Variants in CHODL observed in about 807,000 individuals in gnomAD.
CHODL encodes the protein transmembrane protein MT75.
A neutral mutation model predicts 34.5 loss-of-function variants in CHODL; 29 were observed. The observed-to-expected ratio is 0.84, with a 90% CI of 0.63 to 1.15. The LOEUF is 1.15. Among genes scored for constraint, CHODL ranks in the 50% most tolerant of loss-of-function variants. The pLI, the probability that CHODL is intolerant of heterozygous loss-of-function variation, is 0.00. For missense variants in CHODL, 332 were observed against 332.5 expected (o/e 1.00, Z 0.01); for synonymous variants, 125 against 116.1 (o/e 1.08, Z -0.49).
intron 1 of CHODL, among the ~76,000 whole-genome samples, chr21:17,923,293 A>G (rs59036066): frequency 0.02 from 3,084 of 151,586 alleles, 102 homozygotes; most frequent in African/African-American, 0.07. Flanking sequence ...TTTTCCTGCC[A>G]AAGTCTGCAT....
chr21:17,951,106 A>AAGTGTG (rs2063453253), intron 1 of CHODL, among the ~76,000 whole-genome samples: 2 of 79,138 alleles, frequency 2.5e-5, no homozygotes, highest in Non-Finnish European at 4.6e-5. Flanking sequence ...ATTACTCTAT[A>AAGTGTG]CGTGTGTGTG....
chr21:18,156,431 C>T (rs1004754384), intron 2 of CHODL, among the ~76,000 whole-genome samples: 7 of 151,918 alleles, frequency 4.6e-5, no homozygotes, highest in Admixed American at 3.9e-4. Context: ...TATATACACA[C>T]ATATATAGTT....
chr21:18,105,660 G>T (rs1049726520), intron 2 of CHODL, among the ~76,000 whole-genome samples: 2 of 152,130 alleles, frequency 1.3e-5, no homozygotes, highest in Admixed American at 6.6e-5. Context: ...ACATTGAATG[G>T]CCATAGCTAG....
chr21:18,173,509 A>C (rs1328767581), intron 2 of CHODL, among the ~76,000 whole-genome samples: 1 of 152,228 alleles, frequency 6.6e-6, no homozygotes, highest in African/African-American at 2.4e-5. Flanking sequence ...CATACTGACT[A>C]TATTCCAAAT....
chr21:18,026,382 C>A (rs1359845276), intron 1 of CHODL, among the ~76,000 whole-genome samples: 52 of 151,832 alleles, frequency 3.4e-4, no homozygotes, highest in Admixed American at 3.3e-3. Context: ...TTAATAATTT[C>A]AAAATGAAGA....
chr21:18,266,048 G>A lies in CHODL; in HGVS notation c.*10G>A. ...TGGCATGGAAGTATAATAACTCATT[G>A]ACTTGGTTCCAGAATTTTGTAATTC... On this transcript the variant is annotated 3_prime_UTR_variant, in exon 6 of 6. Coordinates refer to ENST00000299295, the MANE Select transcript of CHODL (RefSeq NM_024944.3). 6.2e-7 allele frequency: 1 copy of A among 1,613,724 alleles called. No individual in the cohort carries two copies. Among genetic ancestry groups the A allele is most frequent in the Non-Finnish European group, 8.5e-7 (1 of 1,179,790 alleles).
intron 2 of CHODL, among the ~76,000 whole-genome samples, chr21:18,140,967 T>C (rs1228080523): frequency 6.6e-6 from 1 of 152,032 alleles, no homozygotes; most frequent in African/African-American, 2.4e-5. Context: ...ATGTTAGATA[T>C]CTACATTCAG....
At chr21:18,061,314 A>G (rs552460261) in intron 2 of CHODL, among the ~76,000 whole-genome samples, 3 of 152,210 alleles carry the variant, frequency 2.0e-5, no homozygotes, top group Admixed American at 6.5e-5. Flanking sequence ...AAGTCCTTCA[A>G]TGGAAACTGA....
intron 2 of CHODL, among the ~76,000 whole-genome samples, chr21:18,164,621 TG>T (rs1258974243): frequency 2.6e-5 from 4 of 152,216 alleles, no homozygotes; most frequent in African/African-American, 9.6e-5. Context: ...ATAAGATTTT[TG>T]TGAGGATTAA....
Position 18,226,898 on chromosome 21 carries a change from T to G in CHODL, c.-44-29611T>G, listed in dbSNP as rs868636798. ...GCTAAGCTATTCTGTTTTATTTATCTGCATCTTTCTGCCAAACAAATTTTA... is the reference window on the plus strand; with the variant it reads ...GCTAAGCTATTCTGTTTTATTTATCGGCATCTTTCTGCCAAACAAATTTTA... On this transcript the variant is annotated intron_variant, in intron 2 of 6. Transcript: ENST00000400127. Among the ~76,000 whole-genome samples, 6 of 152,168 alleles carry G rather than the reference T, an allele frequency of 3.9e-5. No individual in the cohort carries two copies. The South Asian group carries it at 1.2e-3, about 31-fold the overall frequency.
chr21:18,044,455 A>C (rs1405794779), intron 2 of CHODL, among the ~76,000 whole-genome samples: 1 of 151,908 alleles, frequency 6.6e-6, no homozygotes, highest in Admixed American at 6.6e-5. Flanking sequence ...TAACACTTTT[A>C]CTGGCACATT....
chr21:18,141,109 A>G (rs908101780), intron 2 of CHODL, among the ~76,000 whole-genome samples: 4 of 152,104 alleles, frequency 2.6e-5, no homozygotes, highest in Non-Finnish European at 5.9e-5. Flanking sequence ...CATCAAGCAT[A>G]AAAAGGAAAA....
At chr21:18,004,381 C>T (rs1439535575) in intron 1 of CHODL, among the ~76,000 whole-genome samples, 1 of 152,194 alleles carries the variant, frequency 6.6e-6, no homozygotes, top group Non-Finnish European at 1.5e-5. Context: ...ACTTATACTA[C>T]ATTAAATCTT....
chr21:17,924,319 C>A (rs1568800158), intron 1 of CHODL, among the ~76,000 whole-genome samples: 1 of 152,146 alleles, frequency 6.6e-6, no homozygotes, highest in South Asian at 2.1e-4. Flanking sequence ...CAGGAGGGAG[C>A]AGTAAGTAGC....
intron 2 of CHODL, among the ~76,000 whole-genome samples, chr21:18,213,878 T>C (rs996977038): frequency 6.6e-6 from 1 of 152,060 alleles, no homozygotes; most frequent in Non-Finnish European, 1.5e-5. Context: ...AGGCAGTCAC[T>C]ATCCCCACCA....
intron 2 of CHODL, among the ~76,000 whole-genome samples, chr21:18,174,121 G>GTATATATATATATATA (rs1491107369): frequency 8.2e-5 from 5 of 60,856 alleles, no homozygotes; most frequent in East Asian, 9.3e-4. Context: ...ATATATCTTG[G>GTATATATATATATATA]TGTATATATA....
chr21:18,259,900 C>T (rs918964971), intron 3 of CHODL, among the ~76,000 whole-genome samples: 7 of 152,214 alleles, frequency 4.6e-5, no homozygotes, highest in Middle Eastern at 3.4e-3. Context: ...GTGACTGGTC[C>T]GCCATTATTG....
intron 1 of CHODL, among the ~76,000 whole-genome samples, chr21:17,967,341 A>G (rs541621406): frequency 6.6e-6 from 1 of 152,334 alleles, no homozygotes; most frequent in African/African-American, 2.4e-5. Context: ...TTCAGTGACT[A>G]CAAATGTATC....
chr21:18,145,277 A>G (rs1268670369), intron 2 of CHODL, among the ~76,000 whole-genome samples: 1 of 147,574 alleles, frequency 6.8e-6, no homozygotes, highest in African/African-American at 2.5e-5. Context: ...CTCTACTAAA[A>G]ATACAAAAAA....
Sources: allele counts gnomAD v4.1 joint callset (sites outside exome capture counted in the v4.1 genomes callset), GRCh38; gene constraint gnomAD v4.1.1; transcripts MANE v1.5; gene names NCBI Gene and HGNC (gene_info 2026-07-23, HGNC 2026-07-21).